The following PEBP4 variants were observed in gnomAD, a reference collection of about 807,000 sequenced individuals.
The protein encoded by PEBP4 is phosphatidylethanolamine-binding protein 4.
In PEBP4, 22 loss-of-function variants were observed where a neutral mutation model predicts 23.9. The ratio of observed to expected loss-of-function variants is 0.92; its 90% CI spans 0.66 to 1.31. The LOEUF is 1.31. Among genes scored for constraint, PEBP4 ranks in the 40% most tolerant of loss-of-function variants. The pLI is 0.00. For missense variants in PEBP4, 324 were observed against 281.7 expected, an observed-to-expected ratio of 1.15 and a Z score of -1.07; for synonymous variants, 112 against 99.3, an observed-to-expected ratio of 1.13 and a Z score of -0.76.
At chr8:22,934,608 G>A (rs1309537361) in intron 1 of PEBP4, among the ~76,000 whole-genome samples, 2 of 152,158 alleles carry the variant, frequency 1.3e-5, no homozygotes, top group Non-Finnish European at 2.9e-5. Flanking sequence ...AGGCTGAGGT[G>A]AGAGGATCAC....
At chr8:22,910,368 C>T (rs564378706) in intron 3 of PEBP4, among the ~76,000 whole-genome samples, 4 of 152,378 alleles carry the variant, frequency 2.6e-5, no homozygotes, top group East Asian at 1.9e-4. Context: ...CATCTCCCTG[C>T]GTGGGATCTG....
At chr8:22,756,558 G>C (rs1180244809) in intron 4 of PEBP4, among the ~76,000 whole-genome samples, 1 of 152,134 alleles carries the variant, frequency 6.6e-6, no homozygotes, top group Non-Finnish European at 1.5e-5. Flanking sequence ...CACGTGGACT[G>C]GGGATGCTTG....
rs114657257 is a variant in PEBP4 at position 22,811,614 on chromosome 8, G to A, written c.357+6023C>T. 9.8e-4 allele frequency among the ~76,000 whole-genome samples: 150 copies of A among 152,324 alleles called. 1 individual carries two copies. The highest frequency in any genetic ancestry group is 3.5e-3 in the African/African-American group (147 of 41,576). On this transcript the variant is annotated intron_variant, in intron 4 of 6. Transcript: ENST00000256404. ...TGCACCATAGGCCTGGCTGTCACTT[G>A]CAGCCCAGCATCACACCTGGGCTGT... is the stretch of plus-strand genomic sequence containing the variant.
intron 4 of PEBP4, among the ~76,000 whole-genome samples, chr8:22,752,498 G>C (rs1358399254): frequency 6.6e-6 from 1 of 152,202 alleles, no homozygotes; most frequent in African/African-American, 2.4e-5. Context: ...TTTCCAGCCT[G>C]GGAGAAGGAC....
chr8:22,765,116 T>TCTTTCTTCCTTCCTTCCTTC (rs1554483037), intron 4 of PEBP4, among the ~76,000 whole-genome samples: 24 of 145,008 alleles, frequency 1.7e-4, no homozygotes, highest in East Asian at 4.2e-4. Context: ...TTCCTTTATT[T>TCTTTCTTCCTTCCTTCCTTC]CTTCCTTCCT....
rs140989824 is a variant in PEBP4, at chr8:22,926,009, T to G, written c.131+1575A>C. The stretch of plus-strand genomic sequence containing the variant: ...TTTGTTTTTTGAGACAGAGTCTTGG[T>G]CTGTCGCCCAGGCTAGAGTGCAGTG... On this transcript the variant is annotated intron_variant, in intron 2 of 6. Coordinates refer to ENST00000256404, the MANE Select transcript of PEBP4 (RefSeq NM_144962.3). Among the ~76,000 whole-genome samples the G allele has an allele frequency of 8.0e-3, 1,217 of 152,340 alleles. 16 individuals are homozygous for G. The highest frequency in any genetic ancestry group is 0.028 in the African/African-American group (1,165 of 41,574).
chr8:22,918,394 G>A (rs981923347), intron 3 of PEBP4, among the ~76,000 whole-genome samples: 8 of 152,084 alleles, frequency 5.3e-5, no homozygotes, highest in African/African-American at 1.9e-4. Context: ...CCCCACCCCC[G>A]GGCTGAGGCA....
chr8:22,836,685 C>T (rs761006294), intron 3 of PEBP4, among the ~76,000 whole-genome samples: 4 of 152,214 alleles, frequency 2.6e-5, no homozygotes, highest in Non-Finnish European at 5.9e-5. Flanking sequence ...TACTCTGTCC[C>T]CTCCTCAAAG....
chr8:22,771,789 A>G (rs1805722661), intron 4 of PEBP4, among the ~76,000 whole-genome samples: 1 of 152,212 alleles, frequency 6.6e-6, no homozygotes, highest in African/African-American at 2.4e-5. Flanking sequence ...TTCCATGGCA[A>G]TGGCCTGGCC....
chr8:22,879,813 T>C (rs1808207139), intron 3 of PEBP4, among the ~76,000 whole-genome samples: 1 of 152,158 alleles, frequency 6.6e-6, no homozygotes, highest in Admixed American at 6.5e-5. Context: ...CATTGATCGA[T>C]GGGAGTTTTA....
chr8:22,907,953 C>T (rs1485886499), intron 3 of PEBP4, among the ~76,000 whole-genome samples: 4 of 151,150 alleles, frequency 2.6e-5, no homozygotes, highest in Admixed American at 6.6e-5. Flanking sequence ...AAGAAAGTTG[C>T]GGTGAGCCAA....
intron 3 of PEBP4, among the ~76,000 whole-genome samples, chr8:22,912,846 G>A (rs1808971663): frequency 6.6e-6 from 1 of 152,168 alleles, no homozygotes; most frequent in Non-Finnish European, 1.5e-5. Context: ...TGCACTGAAG[G>A]AGCCAGGGAC....
intron 3 of PEBP4, among the ~76,000 whole-genome samples, chr8:22,846,753 GAGTTGCAGA>G (rs1257101925): frequency 6.6e-6 from 1 of 152,206 alleles, no homozygotes; most frequent in Non-Finnish European, 1.5e-5. Context: ...CAACACTGGT[GAGTTGCAGA>G]AAGGGGACTC....
At chr8:22,919,133 T>C (rs952105399) in intron 3 of PEBP4, among the ~76,000 whole-genome samples, 1 of 152,188 alleles carries the variant, frequency 6.6e-6, no homozygotes, top group African/African-American at 2.4e-5. Flanking sequence ...TGGAGTAACT[T>C]GTGTGCTGCC....
chr8:22,787,715 C>T (rs1397834582), intron 4 of PEBP4, among the ~76,000 whole-genome samples: 1 of 152,224 alleles, frequency 6.6e-6, no homozygotes, highest in Non-Finnish European at 1.5e-5. Flanking sequence ...TAAACCACCA[C>T]TACTACTCCT....
At chr8:22,904,718 A>C (rs1230282067) in intron 3 of PEBP4, among the ~76,000 whole-genome samples, 1 of 152,222 alleles carries the variant, frequency 6.6e-6, no homozygotes, top group African/African-American at 2.4e-5. Context: ...TGAAAACTGG[A>C]ACTATTGTTA....
At chr8:22,799,468 G>A (rs1181901604) in intron 4 of PEBP4, among the ~76,000 whole-genome samples, 1 of 152,236 alleles carries the variant, frequency 6.6e-6, no homozygotes, top group Non-Finnish European at 1.5e-5. Flanking sequence ...TGGATTGGGA[G>A]AACTTTTCTG....
At chr8:22,899,224 C>T (rs1216049565) in intron 3 of PEBP4, among the ~76,000 whole-genome samples, 6 of 152,212 alleles carry the variant, frequency 3.9e-5, no homozygotes. Flanking sequence ...AAAATCTGCC[C>T]TATGCAGGCT....
chr8:22,797,024 G>C (rs1465197218), intron 4 of PEBP4, among the ~76,000 whole-genome samples: 1 of 151,776 alleles, frequency 6.6e-6, no homozygotes. Context: ...GGGAGGCCAA[G>C]GCAGGTGGAT....
Sources: allele counts gnomAD v4.1 joint callset (sites outside exome capture counted in the v4.1 genomes callset), GRCh38; gene constraint gnomAD v4.1.1; transcripts MANE v1.5; gene names NCBI Gene and HGNC (gene_info 2026-07-23, HGNC 2026-07-21).